ZNRF1: variants seen among roughly 807,000 people sequenced by gnomAD.
ZNRF1 encodes zinc and ring finger 1, also known as E3 ubiquitin-protein ligase ZNRF1.
In ZNRF1, 3 loss-of-function variants were observed where a neutral mutation model predicts 18.4. That is an observed-to-expected ratio of 0.16 (90% CI 0.07 to 0.42). ZNRF1 has a LOEUF of 0.42. Ranked by LOEUF, ZNRF1 falls within the 10% of genes least tolerant of loss-of-function variation. ZNRF1 has a pLI of 0.99. For missense variants in ZNRF1, 310 were observed against 329.8 expected, an observed-to-expected ratio of 0.94 and a Z score of 0.47; for synonymous variants, 157 against 144.2, an observed-to-expected ratio of 1.09 and a Z score of -0.64.
intron 2 of ZNRF1, chr16:75,095,603 A>G (rs2036188754): frequency 6.5e-7 from 1 of 1,546,260 alleles, no homozygotes; most frequent in African/African-American, 1.4e-5. Flanking sequence ...TGTAGGAAGA[A>G]TACAAAGAAG....
At chr16:75,070,482 CT>C (rs1281497160) in intron 1 of ZNRF1, among the ~76,000 whole-genome samples, 1 of 152,216 alleles carries the variant, frequency 6.6e-6, no homozygotes, top group Non-Finnish European at 1.5e-5. Context: ...CTGCTTTCCT[CT>C]TTAGCATCCA....
At position 75,068,428 on chromosome 16, in the gene ZNRF1, G is replaced by A. The variant is rs567567481; in HGVS notation, c.425-25144G>A. Among the ~76,000 whole-genome samples, 8 of 152,252 alleles carry A rather than the reference G, an allele frequency of 5.3e-5. No homozygotes were observed. The East Asian group carries it at 1.5e-3, about 29-fold the overall frequency. ...TCTCAGTTTGCGGGGGGCACAAGCA[G>A]TGGAGCAGCTGTGCTGCTGTGGCCA... On this transcript the variant is annotated intron_variant, in intron 1 of 4. Coordinates refer to ENST00000335325, the MANE Select transcript of ZNRF1 (RefSeq NM_032268.5).
chr16:75,016,594 G>A (rs1318422450), intron 1 of ZNRF1, among the ~76,000 whole-genome samples: 1 of 151,758 alleles, frequency 6.6e-6, no homozygotes, highest in Non-Finnish European at 1.5e-5. Context: ...GGAGTGCAGT[G>A]GCCTGATCTC....
chr16:75,097,173 TGCCCTAAA>T (rs1020761867), intron 2 of ZNRF1, among the ~76,000 whole-genome samples: 14 of 152,184 alleles, frequency 9.2e-5, no homozygotes, highest in African/African-American at 3.4e-4. Context: ...TGAGGGACCT[TGCCCTAAA>T]GAATACGCAT....
chr16:75,100,510 C>G (rs888375527), intron 2 of ZNRF1, among the ~76,000 whole-genome samples: 1 of 152,210 alleles, frequency 6.6e-6, no homozygotes, highest in African/African-American at 2.4e-5. Context: ...TCCATCACCT[C>G]CTGGGGGGCG....
At chr16:75,104,988 CT>C in intron 3 of ZNRF1, 99 bp downstream of exon 3, 1 of 962,266 alleles carries the variant, frequency 1.0e-6, no homozygotes, top group East Asian at 2.7e-5. Context: ...GGGATGACCT[CT>C]CCCCCGACCT....
At chr16:75,105,021 C>T (rs1013543010) in intron 3 of ZNRF1, 132 bp downstream of exon 3, 6 of 696,134 alleles carry the variant, frequency 8.6e-6, no homozygotes, top group African/African-American at 1.8e-5. Flanking sequence ...CGGGTAAGGG[C>T]AGAGGCCATC....
intron 4 of ZNRF1, chr16:75,106,772 C>G: frequency 1.8e-6 from 1 of 542,172 alleles, no homozygotes; most frequent in Non-Finnish European, 3.3e-6. Context: ...CCAACATGGA[C>G]AGTTATGAAG....
intron 1 of ZNRF1, among the ~76,000 whole-genome samples, chr16:75,039,535 TCA>T: frequency 6.6e-6 from 1 of 152,330 alleles, no homozygotes; most frequent in Non-Finnish European, 1.5e-5. Flanking sequence ...ATGAGATCAA[TCA>T]TAAGATTCTC....
At chr16:75,062,975 G>C (rs938876478) in intron 1 of ZNRF1, among the ~76,000 whole-genome samples, 3 of 152,066 alleles carry the variant, frequency 2.0e-5, no homozygotes, top group Admixed American at 6.5e-5. Context: ...AAGAACACAG[G>C]GTTCTTCCAG....
chr16:75,014,416 T>C (rs371701849), intron 1 of ZNRF1, among the ~76,000 whole-genome samples: 12 of 152,062 alleles, frequency 7.9e-5, no homozygotes, highest in Admixed American at 7.2e-4. Flanking sequence ...TATTATGAGG[T>C]GTGTGTGTGT....
At chr16:75,035,321 G>A (rs935389042) in intron 1 of ZNRF1, among the ~76,000 whole-genome samples, 13 of 152,158 alleles carry the variant, frequency 8.5e-5, no homozygotes, top group East Asian at 1.9e-4. Flanking sequence ...GGCGTGAGCC[G>A]CTGCACTGGG....
intron 1 of ZNRF1, among the ~76,000 whole-genome samples, chr16:75,060,609 T>A (rs1002427428): frequency 2.6e-5 from 4 of 151,468 alleles, no homozygotes; most frequent in Non-Finnish European, 4.4e-5. Flanking sequence ...CCCAAGTAGC[T>A]GGTATTACAG....
At chr16:75,021,251 C>T (rs550907304) in intron 1 of ZNRF1, among the ~76,000 whole-genome samples, 1 of 151,992 alleles carries the variant, frequency 6.6e-6, no homozygotes, top group African/African-American at 2.4e-5. Context: ...GTTGGCCAGG[C>T]TGGTCTCAAA....
chr16:75,041,796 A>C (rs1250863813), intron 1 of ZNRF1, among the ~76,000 whole-genome samples: 2 of 150,812 alleles, frequency 1.3e-5, no homozygotes, highest in African/African-American at 2.4e-5. Flanking sequence ...CAGCCTGGCC[A>C]ACATGGTGAA....
intron 1 of ZNRF1, among the ~76,000 whole-genome samples, chr16:75,088,486 G>A (rs549817345): frequency 5.9e-5 from 9 of 152,282 alleles, no homozygotes; most frequent in African/African-American, 2.2e-4. Flanking sequence ...AAGTTAGCCC[G>A]GACTATGGGG....
intron 1 of ZNRF1, among the ~76,000 whole-genome samples, chr16:75,019,325 TCA>T (rs570628020): frequency 1.3e-5 from 2 of 151,380 alleles, no homozygotes; most frequent in Non-Finnish European, 3.0e-5. Flanking sequence ...CAGGTATGAG[TCA>T]CCATGCCTGG....
At chr16:75,064,956 C>G (rs1344031984) in intron 1 of ZNRF1, among the ~76,000 whole-genome samples, 1 of 152,218 alleles carries the variant, frequency 6.6e-6, no homozygotes, top group Admixed American at 6.5e-5. Flanking sequence ...CTGGCAGGTG[C>G]ATGGGGTTGC....
chr16:75,030,059 T>C, intron 1 of ZNRF1, among the ~76,000 whole-genome samples: 1 of 90,844 alleles, frequency 1.1e-5, no homozygotes, highest in Non-Finnish European at 1.9e-5. Flanking sequence ...CAAGATGCTA[T>C]CTCAAAAAAA....
Sources: gnomAD v4.1 joint callset for allele counts (sites outside exome capture counted in the v4.1 genomes callset) on GRCh38, gnomAD v4.1.1 for gene constraint, MANE v1.5 for transcripts, NCBI Gene and HGNC (gene_info 2026-07-23, HGNC 2026-07-21) for gene names.